The following WDR70 variants were observed in gnomAD, a reference collection of about 807,000 sequenced individuals.
WDR70 encodes WD repeat domain 70, also known as WD repeat-containing protein 70.
In WDR70, 53 loss-of-function variants were observed where a neutral mutation model predicts 88.6. The observed-to-expected ratio is 0.60, with a 90% CI of 0.48 to 0.75. WDR70 has a LOEUF of 0.75. WDR70 is among the 30% of genes least tolerant of loss of function. The pLI is 0.00. For missense variants in WDR70, 610 were observed against 823.2 expected (o/e 0.74, Z 3.17); for synonymous variants, 280 against 270.0 (o/e 1.04, Z -0.36).
chr5:37,383,026 A>G (rs1355083892), intron 3 of WDR70, among the ~76,000 whole-genome samples: 1 of 152,022 alleles, frequency 6.6e-6, no homozygotes, highest in African/African-American at 2.4e-5. Flanking sequence ...AATAAAAAAA[A>G]TAAAATAAAA....
intron 10 of WDR70, among the ~76,000 whole-genome samples, chr5:37,679,446 A>G (rs901153864): frequency 5.9e-5 from 9 of 151,960 alleles, no homozygotes; most frequent in African/African-American, 1.9e-4. Flanking sequence ...TTTTCCTTCT[A>G]ACAGACAGAA....
At chr5:37,515,367 G>A (rs1387727711) in intron 8 of WDR70, among the ~76,000 whole-genome samples, 1 of 152,212 alleles carries the variant, frequency 6.6e-6, no homozygotes, top group Non-Finnish European at 1.5e-5. Flanking sequence ...TGTTGTGTTC[G>A]AGATGCCTAT....
chr5:37,736,160 A>G (rs144076478), intron 17 of WDR70, among the ~76,000 whole-genome samples: 1 of 152,286 alleles, frequency 6.6e-6, no homozygotes, highest in Non-Finnish European at 1.5e-5. Context: ...CTATTAGCTT[A>G]CACATCAGAC....
At chr5:37,577,753 GC>G (rs1743099852) in intron 9 of WDR70, among the ~76,000 whole-genome samples, 2 of 152,180 alleles carry the variant, frequency 1.3e-5, no homozygotes, top group Non-Finnish European at 2.9e-5. Context: ...TAGGAGGAGA[GC>G]CGGTATGAGG....
At chr5:37,690,391 C>T (rs1356325472) in intron 10 of WDR70, among the ~76,000 whole-genome samples, 1 of 152,008 alleles carries the variant, frequency 6.6e-6, no homozygotes, top group Non-Finnish European at 1.5e-5. Flanking sequence ...AAGAGCAACC[C>T]CAAGACACAT....
intron 13 of WDR70, among the ~76,000 whole-genome samples, chr5:37,709,625 C>T (rs1204069840): frequency 6.6e-6 from 1 of 152,164 alleles, no homozygotes; most frequent in East Asian, 1.9e-4. Flanking sequence ...ATGTTTCTTT[C>T]TCTGCCCCTA....
At chr5:37,462,021 G>A (rs577609231) in intron 7 of WDR70, among the ~76,000 whole-genome samples, 1 of 152,160 alleles carries the variant, frequency 6.6e-6, no homozygotes, top group African/African-American at 2.4e-5. Context: ...TAATCATTCT[G>A]ATCTTTTCCT....
chr5:37,470,136 CAAAAA>C (rs60159670), intron 7 of WDR70, among the ~76,000 whole-genome samples: 44 of 115,824 alleles, frequency 3.8e-4, no homozygotes, highest in East Asian at 1.7e-3. Context: ...AAAACAAAAA[CAAAAA>C]AAAACGCACA....
intron 10 of WDR70, among the ~76,000 whole-genome samples, chr5:37,645,058 G>A (rs1429359482): frequency 6.6e-6 from 1 of 151,440 alleles, no homozygotes; most frequent in Non-Finnish European, 1.5e-5. Context: ...GTTCTTTAAG[G>A]TGTACCATTA....
intron 8 of WDR70, among the ~76,000 whole-genome samples, chr5:37,488,946 G>A (rs2112185887): frequency 6.6e-6 from 1 of 152,300 alleles, no homozygotes; most frequent in East Asian, 1.9e-4. Context: ...GGCTTTCATA[G>A]AGGAATATTT....
intron 10 of WDR70, among the ~76,000 whole-genome samples, chr5:37,613,361 A>G (rs894269025): frequency 6.6e-6 from 1 of 152,214 alleles, no homozygotes; most frequent in African/African-American, 2.4e-5. Context: ...TAGAGAGGAG[A>G]TGATAGCAGA....
intron 13 of WDR70, among the ~76,000 whole-genome samples, chr5:37,719,820 GT>G (rs1247557857): frequency 6.8e-6 from 1 of 146,610 alleles, no homozygotes; most frequent in Non-Finnish European, 1.5e-5. Flanking sequence ...TTATTTCTTT[GT>G]TTTTTTCTTT....
At chr5:37,706,281 C>T (rs929678814) in intron 13 of WDR70, among the ~76,000 whole-genome samples, 3 of 152,134 alleles carry the variant, frequency 2.0e-5, no homozygotes, top group South Asian at 2.1e-4. Context: ...TTTCACCATA[C>T]GATGTTTGCA....
chr5:37,484,491 C>T (rs996721372), intron 8 of WDR70, among the ~76,000 whole-genome samples: 1 of 152,074 alleles, frequency 6.6e-6, no homozygotes, highest in Non-Finnish European at 1.5e-5. Flanking sequence ...TTGCATTGAG[C>T]CGAGATGGCA....
At chr5:37,610,367 C>G (rs1490600995) in intron 10 of WDR70, among the ~76,000 whole-genome samples, 1 of 149,778 alleles carries the variant, frequency 6.7e-6, no homozygotes, top group Non-Finnish European at 1.5e-5. Flanking sequence ...GATTTCTTTG[C>G]TTTTTTTCAA....
intron 9 of WDR70, among the ~76,000 whole-genome samples, chr5:37,569,677 C>T (rs1030214444): frequency 1.3e-5 from 2 of 152,184 alleles, no homozygotes; most frequent in African/African-American, 4.8e-5. Flanking sequence ...TATGCATAGG[C>T]ACCTTGCCTA....
At chr5:37,491,372 C>G (rs952508346) in intron 8 of WDR70, among the ~76,000 whole-genome samples, 1 of 152,144 alleles carries the variant, frequency 6.6e-6, no homozygotes, top group Admixed American at 6.6e-5. Context: ...ATCTTGAAGT[C>G]CCCCATAAGC....
intron 9 of WDR70, among the ~76,000 whole-genome samples, chr5:37,568,185 G>A (rs1393076103): frequency 6.6e-6 from 1 of 152,124 alleles, no homozygotes; most frequent in Non-Finnish European, 1.5e-5. Context: ...TGTGGTACAG[G>A]GGTGTAGTGA....
chr5:37,462,167 T>A (rs1460480034), intron 7 of WDR70, among the ~76,000 whole-genome samples: 1 of 152,140 alleles, frequency 6.6e-6, no homozygotes, highest in Non-Finnish European at 1.5e-5. Context: ...TCCTTAGAAG[T>A]CTTATATATT....
Sources: allele counts gnomAD v4.1 joint callset (sites outside exome capture counted in the v4.1 genomes callset), GRCh38; gene constraint gnomAD v4.1.1; transcripts MANE v1.5; gene names NCBI Gene and HGNC (gene_info 2026-07-23, HGNC 2026-07-21).